Variants in MAPK11 observed in about 807,000 individuals in gnomAD.
MAPK11 encodes MAP kinase 11.
Under a neutral mutation model 52.2 loss-of-function variants are expected in MAPK11, and 44 were observed. The ratio of observed to expected loss-of-function variants is 0.84; its 90% CI spans 0.66 to 1.08. The LOEUF is 1.08. MAPK11 is among the 50% of genes least tolerant of loss of function. The pLI is 0.00. For synonymous variants in MAPK11, 233 were observed against 206.3 expected (o/e 1.13, Z -1.11); for missense variants, 436 against 494.7 (o/e 0.88, Z 1.13).
intron 9 of MAPK11, among the ~76,000 whole-genome samples, chr22:50,265,977 C>T (rs1248132732): frequency 6.8e-6 from 1 of 146,500 alleles, no homozygotes; most frequent in East Asian, 2.1e-4. Flanking sequence ...GGGCCCCCAG[C>T]CCACCCCCAC....
Position 50,265,372 on chromosome 22 carries a change from G to T in MAPK11, c.964C>A (p.Pro322Thr). The T allele has an allele frequency of 1.2e-6, 2 of 1,613,146 alleles. No individual in the cohort carries two copies. Among genetic ancestry groups the T allele is most frequent in the Non-Finnish European group, 8.5e-7 (1 of 1,179,994 alleles). The change falls in exon 11 of 12, where the codon CCA (proline) becomes ACA (threonine). Residue 322 changes from proline (P) to threonine (T), a missense_variant. Transcript: ENST00000330651. ...TTGGCCTCAACGCTCTCATCATATG[G>T]CTCGGCCTCTGGCTCATCCTCGGGG... Reference protein sequence around the residue: ...HDPEDEPEAEPYDESVEAKER... With the variant: ...HDPEDEPEAETYDESVEAKER...
rs1022869633 is a variant in MAPK11, at chr22:50,266,534, G to A, written c.682+6C>T. 4 of 1,517,308 alleles carry A rather than the reference G, an allele frequency of 2.6e-6. No homozygotes were observed. The highest frequency in any genetic ancestry group is 3.5e-6 in the Non-Finnish European group (4 of 1,133,932). The allele number at this position is 1,517,308 out of a possible 1,614,324, so 94.0% of individuals were successfully genotyped here. On this transcript the variant is annotated splice_donor_region_variant and intron_variant, in intron 8 of 11. Transcript: ENST00000330651. Reference sequence around the variant, plus strand: ...GACCCTGCTCCCCAACCTGGGCCAAGGATACAGTCGCTTCCCGGGAAGAGG... The same window carrying A: ...GACCCTGCTCCCCAACCTGGGCCAAAGATACAGTCGCTTCCCGGGAAGAGG...
chr22:50,265,026 C>T lies in MAPK11; in HGVS notation c.1017G>A (p.Glu339=). 6.2e-7 allele frequency: 1 copy of T among 1,612,554 alleles called. No homozygotes were observed. Among genetic ancestry groups the T allele is most frequent in the Middle Eastern group, 1.7e-4 (1 of 6,058 alleles). The change falls in exon 12 of 12, where the codon GAG becomes GAA. Residue 339 remains glutamate (E), a splice_region_variant and synonymous_variant. Transcript: ENST00000330651. ...AGCTGAGGACTTCCTGGTAAGTGAG[C>T]TCTAGGAGGTGAAGGGAAAGGGTGA... ...AKERTLEEWK[E]LTYQEVLSFK... is the part of the protein sequence containing the mutation.
At position 50,270,140 on chromosome 22, in the gene MAPK11, C is replaced by T. The variant is rs1409955135; in HGVS notation, c.116+37G>A. On this transcript the variant is annotated intron_variant, in intron 1 of 11. Coordinates refer to ENST00000330651, the MANE Select transcript of MAPK11 (RefSeq NM_002751.7). This position sits in a 1 kb window ranked among gnomAD's most constrained non-coding sequence, Gnocchi z 6.3. Reference sequence around the variant, plus strand: ...AGGGGACGCGCTCTCCGGCCCGGCCCGGCCCCCACCCAGCACCCCTTCTGC... The same window carrying T: ...AGGGGACGCGCTCTCCGGCCCGGCCTGGCCCCCACCCAGCACCCCTTCTGC... 4.4e-6 allele frequency: 5 copies of T among 1,146,724 alleles called. No homozygotes were observed. The highest frequency in any genetic ancestry group is 4.2e-5 in the Admixed American group (1 of 23,794). The allele number at this position is 1,146,724 out of a possible 1,614,324, so 71.0% of individuals were successfully genotyped here. A position where few individuals can be genotyped will look rare whatever the true frequency, so the allele number is the denominator to read the frequency against.
rs1336064290 is a variant in MAPK11 at position 50,265,082 on chromosome 22, C to T, written c.1016-55G>A. On this transcript the variant is annotated intron_variant, in intron 11 of 11. Coordinates refer to ENST00000330651, the MANE Select transcript of MAPK11 (RefSeq NM_002751.7). ...TGCCTCCCACAGCCCGGCCCCTCACCTGCTTGTCTGGCACCTGCCACCCAG... is the reference window on the plus strand; with the variant it reads ...TGCCTCCCACAGCCCGGCCCCTCACTTGCTTGTCTGGCACCTGCCACCCAG... 11 of 1,480,146 alleles carry T rather than the reference C, an allele frequency of 7.4e-6. No individual in the cohort carries two copies. In the African/African-American group the frequency reaches 1.5e-4, roughly 20 times the overall value. The allele number at this position is 1,480,146 out of a possible 1,614,324, so 91.7% of individuals were successfully genotyped here. A position where few individuals can be genotyped will look rare whatever the true frequency, so the allele number is the denominator to read the frequency against.
chr22:50,268,045 G>T, intron 1 of MAPK11, 96 bp from the exon 2 acceptor site: 1 of 1,343,256 alleles, frequency 7.4e-7, no homozygotes, highest in Non-Finnish European at 9.7e-7. Flanking sequence ...CTTCTCCGTG[G>T]GGATGGGGCC....
At position 50,265,329 on chromosome 22, in the gene MAPK11, T is replaced by C. The variant is rs1197727931; in HGVS notation, c.1007A>G (p.Glu336Gly). 4 of 1,612,900 alleles carry C rather than the reference T, an allele frequency of 2.5e-6. No homozygotes were observed. The highest frequency in any genetic ancestry group is 3.4e-6 in the Non-Finnish European group (4 of 1,179,926). The change falls in exon 11 of 12, where the codon GAG (glutamate) becomes GGG (glycine). Residue 336 changes from glutamate to glycine, a missense_variant. Coordinates refer to ENST00000330651, the MANE Select transcript of MAPK11 (RefSeq NM_002751.7). ...SVEAKERTLE[E>G]WKELTYQEVL... The stretch of plus-strand genomic sequence containing the variant: ...GCCACTGCCATGCTCACCCTTCCAC[T>C]CCTCCAGCGTGCGCTCCTTGGCCTC...
chr22:50,266,527 G>T lies in MAPK11; in HGVS notation c.682+13C>A, dbSNP rs187709335. 1.5e-5 allele frequency: 22 copies of T among 1,516,236 alleles called. No individual in the cohort carries two copies. The highest frequency in any genetic ancestry group is 4.5e-5 in the Admixed American group (2 of 44,514). The allele number at this position is 1,516,236 out of a possible 1,614,324, so 93.9% of individuals were successfully genotyped here. A position where few individuals can be genotyped will look rare whatever the true frequency, so the allele number is the denominator to read the frequency against. ...CCTGTTTGACCCTGCTCCCCAACCT[G>T]GGCCAAGGATACAGTCGCTTCCCGG... On this transcript the variant is annotated intron_variant, in intron 8 of 11. Coordinates refer to ENST00000330651, the MANE Select transcript of MAPK11 (RefSeq NM_002751.7).
Position 50,266,621 on chromosome 22 carries a change from G to A in MAPK11, c.611-10C>T. On this transcript the variant is annotated splice_polypyrimidine_tract_variant and intron_variant, in intron 7 of 11. Transcript: ENST00000330651. ...ACGGACCAGATATCCACTGTGCGAG[G>A]GCGAGGGGACCTCCATCAGTGTGCC... 1.3e-6 allele frequency: 2 copies of A among 1,564,804 alleles called. No homozygotes were observed. Among genetic ancestry groups the A allele is most frequent in the East Asian group, 2.2e-5 (1 of 44,488 alleles).
chr22:50,266,853 C>G, intron 7 of MAPK11, 81 bp downstream of exon 7: 1 of 1,373,780 alleles, frequency 7.3e-7, no homozygotes, highest in Non-Finnish European at 1.0e-6. Flanking sequence ...CTTGCCTGCC[C>G]CCTAAGACCT....
In MAPK11 at chr22:50,267,304, TGGTGAGCGCCGGGCCC is replaced by T; in HGVS notation, c.418-34_418-19del. The T allele has an allele frequency of 6.3e-7, 1 of 1,595,674 alleles. No individual in the cohort carries two copies. The highest frequency in any genetic ancestry group is 2.3e-5 in the East Asian group (1 of 44,282). Reference sequence around the variant, plus strand: ...TGGATGTACTGCGGGAGGGGGATTGTGGTGAGCGCCGGGCCCGGCCCGCCCGCCCCCCTGCGAGAGG... The same window carrying T: ...TGGATGTACTGCGGGAGGGGGATTGTGGCCCGCCCGCCCCCCTGCGAGAGG... On this transcript the variant is annotated intron_variant, in intron 4 of 11. Coordinates refer to ENST00000330651, the MANE Select transcript of MAPK11 (RefSeq NM_002751.7).
Position 50,265,487 on chromosome 22 carries a change from G to A in MAPK11, c.849C>T (p.Asp283=), listed in dbSNP as rs867812372. The A allele has an allele frequency of 4.3e-6, 7 of 1,613,024 alleles. No individual in the cohort carries two copies. Among genetic ancestry groups the A allele is most frequent in the Non-Finnish European group, 5.9e-6 (7 of 1,179,998 alleles). ...IFRGANPLAI[D]LLGRMLVLDS... ...CCAGCACCAGCATCCTTCCAAGGAGGTCTATGGCTGCAGGGAAGCCAGTGG... is the reference window on the plus strand; with the variant it reads ...CCAGCACCAGCATCCTTCCAAGGAGATCTATGGCTGCAGGGAAGCCAGTGG... Residue 283 remains aspartate (D), a synonymous_variant, in exon 11 of 12, where the codon GAC becomes GAT. Coordinates refer to ENST00000330651, the MANE Select transcript of MAPK11 (RefSeq NM_002751.7).
At position 50,267,559 on chromosome 22, in the gene MAPK11, C is replaced by A; in HGVS notation, c.305+10G>T. 1 of 1,545,782 alleles carries A rather than the reference C, an allele frequency of 6.5e-7. No individual in the cohort carries two copies. On this transcript the variant is annotated intron_variant, in intron 3 of 11. Coordinates refer to ENST00000330651, the MANE Select transcript of MAPK11 (RefSeq NM_002751.7). ...GCGCTCCCCGCTGCCTCGCCCGCCCCGCCGCTCACACTTCGCTGAAGTCCT... is the reference window on the plus strand; with the variant it reads ...GCGCTCCCCGCTGCCTCGCCCGCCCAGCCGCTCACACTTCGCTGAAGTCCT...
In MAPK11 at chr22:50,264,883, G is replaced by T. The variant is rs2147267397; in HGVS notation, c.*65C>A. The T allele has an allele frequency of 1.5e-6, 2 of 1,359,538 alleles. No homozygotes were observed. Among genetic ancestry groups the T allele is most frequent in the South Asian group, 1.3e-5 (1 of 79,852 alleles). 84.2% of individuals were successfully genotyped at this position (1,359,538 alleles called of 1,614,324 possible). A position where few individuals can be genotyped will look rare whatever the true frequency, so the allele number is the denominator to read the frequency against. The stretch of plus-strand genomic sequence containing the variant: ...GGGAGGTGCCTCTCGAGGAAACCAG[G>T]CCAGCTGTGGAAGGGTGCAGGCCCA... On this transcript the variant is annotated 3_prime_UTR_variant, in exon 12 of 12. Transcript: ENST00000330651.
chr22:50,266,340 C>T (rs2065261876), intron 8 of MAPK11, 35 bp from the exon 9 acceptor site: 1 of 1,577,886 alleles, frequency 6.3e-7, no homozygotes, highest in African/African-American at 1.4e-5. Context: ...GGGCCAGCCA[C>T]AGACCCCTCC....
rs914976471 is a variant in MAPK11, at chr22:50,265,208, C to G, written c.1015+113G>C. On this transcript the variant is annotated intron_variant, in intron 11 of 11. Coordinates refer to ENST00000330651, the MANE Select transcript of MAPK11 (RefSeq NM_002751.7). ...CCCGCTCCCAGCCTGTGCTGGACAC[C>G]TGAACGCCCTTCCACACCTGACCAG... 7 of 1,445,802 alleles carry G rather than the reference C, an allele frequency of 4.8e-6. No homozygotes were observed. The African/African-American group carries it at 9.7e-5, about 20-fold the overall frequency. 89.6% of individuals were successfully genotyped at this position (1,445,802 alleles called of 1,614,324 possible). A position where few individuals can be genotyped will look rare whatever the true frequency, so the allele number is the denominator to read the frequency against.
At position 50,267,458 on chromosome 22, in the gene MAPK11, G is replaced by C; in HGVS notation, c.330C>G (p.Gly110=). The C allele has an allele frequency of 6.2e-7, 1 of 1,608,122 alleles. No homozygotes were observed. The highest frequency in any genetic ancestry group is 2.2e-5 in the East Asian group (1 of 44,748). ...ACTTGACGATGTTGTTCAGGTCGGC[G>C]CCCATCAGGGTGGTCACCAAGTACC... is the stretch of plus-strand genomic sequence containing the variant. ...SEVYLVTTLM[G]ADLNNIVKCQ... The change falls in exon 4 of 12, where the codon GGC becomes GGG. Residue 110 remains glycine, a synonymous_variant. Coordinates refer to ENST00000330651, the MANE Select transcript of MAPK11 (RefSeq NM_002751.7).
chr22:50,266,224 ACG>A lies in MAPK11; in HGVS notation c.762_762+1del. On this transcript the variant is annotated splice_donor_variant and coding_sequence_variant, in exon 9 of 12. Coordinates refer to ENST00000330651, the MANE Select transcript of MAPK11 (RefSeq NM_002751.7). LOFTEE classifies it high-confidence loss of function. ...GCTGCTGGCTGGCGGGCACCAACTC[ACG>A]TGTTCTGAGGAGATTTTTGCCAGAA... 1 of 1,584,378 alleles carries A rather than the reference ACG, an allele frequency of 6.3e-7. No homozygotes were observed. Among genetic ancestry groups the A allele is most frequent in the Non-Finnish European group, 8.6e-7 (1 of 1,164,298 alleles).
chr22:50,266,896 C>G, intron 7 of MAPK11, 38 bp downstream of exon 7: 1 of 1,567,458 alleles, frequency 6.4e-7, no homozygotes, highest in South Asian at 1.1e-5. Flanking sequence ...CCAGACGAGG[C>G]CCTTGGCCTT....
Sources: gnomAD v4.1 joint callset for allele counts (sites outside exome capture counted in the v4.1 genomes callset) on GRCh38, gnomAD v4.1.1 for gene constraint, Gnocchi (gnomAD v3.1) non-coding constraint, MANE v1.5 for transcripts, NCBI Gene and HGNC (gene_info 2026-07-23, HGNC 2026-07-21) for gene names.